EVC2: variants seen among roughly 807,000 people sequenced by gnomAD.
EVC2 encodes limbin.
In EVC2, 148 loss-of-function variants were observed where a neutral mutation model predicts 149.3. That is an observed-to-expected ratio of 0.99 (90% CI 0.87 to 1.14). The LOEUF (loss-of-function observed/expected upper bound fraction) is 1.14, where lower values mean the gene tolerates loss of function less well. Among genes scored for constraint, EVC2 ranks in the 50% most tolerant of loss-of-function variants. EVC2 has a pLI of 0.00. For missense variants in EVC2, 1,854 were observed against 1,627.3 expected, an observed-to-expected ratio of 1.14 and a Z score of -2.40; for synonymous variants, 776 against 649.9, an observed-to-expected ratio of 1.19 and a Z score of -2.95.
intron 16 of EVC2, among the ~76,000 whole-genome samples, chr4:5,601,055 T>C (rs564685673): frequency 6.6e-6 from 1 of 152,328 alleles, no homozygotes; most frequent in East Asian, 1.9e-4. Flanking sequence ...GGAGCGGTCT[T>C]TTTTGGGGGA....
intron 1 of EVC2, among the ~76,000 whole-genome samples, chr4:5,698,793 C>G (rs751376697): frequency 2.6e-5 from 4 of 152,228 alleles, no homozygotes; most frequent in Admixed American, 6.5e-5. Flanking sequence ...ATGTGCTCAC[C>G]CTGCACGCAA....
rs1715074342 is a variant in EVC2, at chr4:5,614,366, C to T, written c.2829+1056G>A. ...ACCAGGGCTGCCTCAGTCACTGCTG[C>T]AACCCCAGAGTTAACTGACACAGCG... On this transcript the variant is annotated intron_variant, in intron 16 of 21. Coordinates refer to ENST00000344408, the MANE Select transcript of EVC2 (RefSeq NM_147127.5). The surrounding 1 kb of genome is among the most constrained non-coding windows in gnomAD (Gnocchi z 4.7). 6.6e-6 allele frequency among the ~76,000 whole-genome samples: 1 copy of T among 152,062 alleles called. No homozygotes were observed. The highest frequency in any genetic ancestry group is 2.1e-4 in the South Asian group (1 of 4,822).
At chr4:5,563,719 C>T (rs1036696167) in intron 21 of EVC2, among the ~76,000 whole-genome samples, 6 of 151,972 alleles carry the variant, frequency 3.9e-5, no homozygotes, top group Non-Finnish European at 5.9e-5. Flanking sequence ...AATATTTACA[C>T]CATGGAAACT....
At chr4:5,593,306 T>A (rs1465735628) in intron 16 of EVC2, among the ~76,000 whole-genome samples, 1 of 152,218 alleles carries the variant, frequency 6.6e-6, no homozygotes, top group Non-Finnish European at 1.5e-5. Context: ...GTCACCTGCC[T>A]GCCCTTCTTT....
chr4:5,656,255 C>A (rs1393452942), intron 9 of EVC2, among the ~76,000 whole-genome samples: 1 of 152,052 alleles, frequency 6.6e-6, no homozygotes, highest in African/African-American at 2.4e-5. Flanking sequence ...CTAAGAAGAC[C>A]CCTCAGCTCC....
rs768987367 is a variant in EVC2, at chr4:5,637,743, T to C, written c.1470+2771A>G. 1.3e-5 allele frequency among the ~76,000 whole-genome samples: 2 copies of C among 151,666 alleles called. No homozygotes were observed. The highest frequency in any genetic ancestry group is 2.9e-5 in the Non-Finnish European group (2 of 67,968). The stretch of plus-strand genomic sequence containing the variant: ...TGTATCTCCAGGGTTAGGTATACAA[T>C]AGAAACTCAACAATGGGCAGAATGA... On this transcript the variant is annotated intron_variant, in intron 10 of 21. Coordinates refer to ENST00000344408, the MANE Select transcript of EVC2 (RefSeq NM_147127.5). This position sits in a 1 kb window ranked among gnomAD's most constrained non-coding sequence, Gnocchi z 4.4.
intron 16 of EVC2, among the ~76,000 whole-genome samples, chr4:5,611,148 T>A (rs1714788446): frequency 6.6e-6 from 1 of 152,294 alleles, no homozygotes; most frequent in Middle Eastern, 3.4e-3. Flanking sequence ...ATAACTAGTA[T>A]GTTACATGGG....
At chr4:5,635,094 T>C (rs1716808007) in intron 10 of EVC2, among the ~76,000 whole-genome samples, 1 of 133,844 alleles carries the variant, frequency 7.5e-6, no homozygotes, top group Non-Finnish European at 1.5e-5. Context: ...TGGAGTGAAG[T>C]GCTGCTATCT....
chr4:5,635,029 CTTT>C (rs34769603), intron 10 of EVC2, among the ~76,000 whole-genome samples: 30 of 71,450 alleles, frequency 4.2e-4, no homozygotes, highest in African/African-American at 1.7e-3. Flanking sequence ...AACAAATGTG[CTTT>C]TTTTTTTTTT....
In EVC2 at chr4:5,622,941, C is replaced by T. The variant is rs556009947; in HGVS notation, c.2097G>A (p.Thr699=). ...EQASVGEAFR[T]VEDAGQYLHQ... ...GCAGGTACTGGCCGGCATCCTCAAC[C>T]GTTCGGAAGGCCTCGCCGACGGACG... Residue 699 remains threonine, a synonymous_variant, in exon 14 of 22, where the codon ACG becomes ACA. Coordinates refer to ENST00000344408, the MANE Select transcript of EVC2 (RefSeq NM_147127.5). The surrounding 1 kb of genome is among the most constrained non-coding windows in gnomAD (Gnocchi z 5.8). 37 of 1,614,106 alleles carry T rather than the reference C, an allele frequency of 2.3e-5. No homozygotes were observed. Among genetic ancestry groups the T allele is most frequent in the South Asian group, 1.2e-4 (11 of 91,074 alleles).
intron 16 of EVC2, among the ~76,000 whole-genome samples, chr4:5,604,641 G>T (rs890265899): frequency 2.2e-4 from 33 of 152,030 alleles, no homozygotes; most frequent in African/African-American, 6.3e-4. Flanking sequence ...GCAGATTAGG[G>T]TGACTATAGT....
Position 5,618,738 on chromosome 4 carries a change from TG to T in EVC2, c.2502-57del, listed in dbSNP as rs1271651316. The T allele has an allele frequency of 1.3e-6, 2 of 1,519,002 alleles. No individual in the cohort carries two copies. The highest frequency in any genetic ancestry group is 2.8e-5 in the African/African-American group (2 of 72,376). 94.1% of individuals were successfully genotyped at this position (1,519,002 alleles called of 1,614,324 possible). On this transcript the variant is annotated intron_variant, in intron 14 of 21. Coordinates refer to ENST00000344408, the MANE Select transcript of EVC2 (RefSeq NM_147127.5). The surrounding 1 kb of genome is among the most constrained non-coding windows in gnomAD (Gnocchi z 4.4). ...CACAGAGAAAGCCTGGGGGCTGGGC[TG>T]GGGTGAAGAAGCCAGAGATGCAAAG...
chr4:5,604,866 C>T (rs1714261266), intron 16 of EVC2, among the ~76,000 whole-genome samples: 1 of 151,440 alleles, frequency 6.6e-6, no homozygotes, highest in African/African-American at 2.4e-5. Context: ...ACTGAGGGTG[C>T]CTGCGTTTCC....
intron 21 of EVC2, among the ~76,000 whole-genome samples, chr4:5,551,922 C>G (rs2108759872): frequency 6.6e-6 from 1 of 152,292 alleles, no homozygotes; most frequent in South Asian, 2.1e-4. Context: ...TGACTTGCTC[C>G]TCTTTCCCTC....
At chr4:5,573,465 G>A (rs75754192) in intron 19 of EVC2, among the ~76,000 whole-genome samples, 1 of 152,192 alleles carries the variant, frequency 6.6e-6, no homozygotes, top group East Asian at 1.9e-4. Context: ...GAATGTAGGT[G>A]CCACTGGAAG....
chr4:5,705,105 G>T (rs1487978638), intron 1 of EVC2, among the ~76,000 whole-genome samples: 2 of 152,122 alleles, frequency 1.3e-5, no homozygotes, highest in Admixed American at 1.3e-4. Flanking sequence ...CTGATTTTTT[G>T]TTGTTCTTTT....
intron 17 of EVC2, among the ~76,000 whole-genome samples, chr4:5,580,289 A>G (rs2108783092): frequency 6.6e-6 from 1 of 152,358 alleles, no homozygotes; most frequent in South Asian, 2.1e-4. Context: ...ATAAGAGTGT[A>G]TCATATGCAT....
At chr4:5,699,335 A>G (rs570603034) in intron 1 of EVC2, among the ~76,000 whole-genome samples, 9 of 152,368 alleles carry the variant, frequency 5.9e-5, no homozygotes, top group African/African-American at 2.2e-4. Context: ...TGGGCAGCGT[A>G]AAGAATTCTA....
chr4:5,681,161 A>C, intron 7 of EVC2, 99 bp downstream of exon 7: 1 of 1,380,078 alleles, frequency 7.2e-7, no homozygotes, highest in Non-Finnish European at 1.0e-6. Context: ...TGGGGGACCA[A>C]GGCCAGCAGC....
Sources: gnomAD v4.1 joint callset for allele counts (sites outside exome capture counted in the v4.1 genomes callset) on GRCh38, gnomAD v4.1.1 for gene constraint, Gnocchi (gnomAD v3.1) non-coding constraint, MANE v1.5 for transcripts, NCBI Gene and HGNC (gene_info 2026-07-23, HGNC 2026-07-21) for gene names.